Variants in NELL1 observed in about 807,000 individuals in gnomAD.
NELL1 encodes the protein protein kinase C-binding protein NELL1.
A neutral mutation model predicts 107.4 loss-of-function variants in NELL1; 76 were observed. The ratio of observed to expected loss-of-function variants is 0.71; its 90% CI spans 0.59 to 0.86. The LOEUF (loss-of-function observed/expected upper bound fraction) is 0.86, where lower values mean the gene tolerates loss of function less well. Among genes scored for constraint, NELL1 ranks in the 40% least tolerant of loss-of-function variants. The pLI is 0.00. For synonymous variants in NELL1, 353 were observed against 341.2 expected (o/e 1.03, Z -0.38); for missense variants, 1,024 against 1,005.5 (o/e 1.02, Z -0.25).
chr11:20,903,361 G>A (rs897759783), intron 5 of NELL1, among the ~76,000 whole-genome samples: 1 of 151,932 alleles, frequency 6.6e-6, no homozygotes, highest in Non-Finnish European at 1.5e-5. Flanking sequence ...GGCAATGACT[G>A]GTTCTCAGTC....
intron 14 of NELL1, among the ~76,000 whole-genome samples, chr11:21,274,868 C>T (rs1057268228): frequency 3.9e-5 from 6 of 152,144 alleles, no homozygotes; most frequent in African/African-American, 1.4e-4. Context: ...AAAGACACAA[C>T]ATACCAGAAT....
At chr11:21,501,291 T>G (rs1469946945) in intron 15 of NELL1, among the ~76,000 whole-genome samples, 5 of 152,192 alleles carry the variant, frequency 3.3e-5, no homozygotes, top group African/African-American at 9.6e-5. Context: ...CCTATCCTTT[T>G]TGTTCTTATT....
chr11:21,299,078 G>A (rs952396761), intron 14 of NELL1, among the ~76,000 whole-genome samples: 28 of 152,076 alleles, frequency 1.8e-4, no homozygotes, highest in African/African-American at 6.3e-4. Context: ...ATTCACAGGA[G>A]GAGGAAAGTA....
intron 12 of NELL1, among the ~76,000 whole-genome samples, chr11:21,098,570 G>C (rs528360084): frequency 8.1e-4 from 123 of 152,248 alleles, no homozygotes; most frequent in African/African-American, 2.9e-3. Context: ...CAAAACAGTA[G>C]AGTAGTATTT....
At chr11:21,390,049 T>C (rs563898937) in intron 15 of NELL1, among the ~76,000 whole-genome samples, 11 of 151,896 alleles carry the variant, frequency 7.2e-5, no homozygotes, top group Non-Finnish European at 1.3e-4. Flanking sequence ...AATTGCATTG[T>C]AATTTTGTCA....
intron 5 of NELL1, among the ~76,000 whole-genome samples, chr11:20,897,932 G>A (rs1228286415): frequency 6.6e-6 from 1 of 152,204 alleles, no homozygotes; most frequent in Non-Finnish European, 1.5e-5. Context: ...AGGTGCTGGA[G>A]AGGATGTGTA....
At chr11:21,088,881 G>T (rs940009372) in intron 12 of NELL1, among the ~76,000 whole-genome samples, 5 of 152,180 alleles carry the variant, frequency 3.3e-5, no homozygotes, top group Non-Finnish European at 1.5e-5. Context: ...GGTTGTTGGG[G>T]TCATGGGGAA....
intron 17 of NELL1, among the ~76,000 whole-genome samples, chr11:21,566,534 TTG>T (rs1321726343): frequency 1.3e-5 from 2 of 151,966 alleles, no homozygotes; most frequent in African/African-American, 4.8e-5. Context: ...TAATTATTAA[TTG>T]CTTATCATTG....
At chr11:20,894,296 TG>T (rs1849679884) in intron 5 of NELL1, among the ~76,000 whole-genome samples, 1 of 152,152 alleles carries the variant, frequency 6.6e-6, no homozygotes, top group African/African-American at 2.4e-5. Context: ...TATTAAAATT[TG>T]GAACTTTTCT....
chr11:21,522,834 C>CTTTTTTTTTTTTTTTTTTT (rs66707466), intron 15 of NELL1, among the ~76,000 whole-genome samples: 14 of 68,432 alleles, frequency 2.0e-4, no homozygotes, highest in African/African-American at 2.5e-4. Context: ...TTTTTCTTTT[C>CTTTTTTTTTTTTTTTTTTT]TTTTTTTTTT....
At chr11:21,019,449 T>C (rs921359149) in intron 12 of NELL1, among the ~76,000 whole-genome samples, 3 of 151,840 alleles carry the variant, frequency 2.0e-5, no homozygotes, top group African/African-American at 7.3e-5. Flanking sequence ...TAGAAAAGAG[T>C]AGAGTCATTC....
intron 15 of NELL1, among the ~76,000 whole-genome samples, chr11:21,469,227 C>T (rs4923611): frequency 0.87 from 131,938 of 152,000 alleles, 57,295 homozygotes; most frequent in East Asian, 0.97. Flanking sequence ...TAGAGTAGGA[C>T]GACTGAAAGA....
chr11:20,874,432 C>T (rs1432352650), intron 4 of NELL1, among the ~76,000 whole-genome samples: 3 of 152,150 alleles, frequency 2.0e-5, no homozygotes, highest in African/African-American at 7.2e-5. Context: ...GAAGTTTACA[C>T]CTGGATTTGA....
At chr11:21,155,317 G>A (rs1856207574) in intron 13 of NELL1, among the ~76,000 whole-genome samples, 1 of 152,088 alleles carries the variant, frequency 6.6e-6, no homozygotes, top group Non-Finnish European at 1.5e-5. Context: ...TAAGGATTGG[G>A]TAAATGGATG....
At chr11:20,819,998 G>A (rs569126647) in intron 3 of NELL1, among the ~76,000 whole-genome samples, 4 of 152,270 alleles carry the variant, frequency 2.6e-5, no homozygotes, top group African/African-American at 9.6e-5. Context: ...TTACTGGAGA[G>A]TGAGATAAGG....
chr11:20,680,423 A>G (rs1565304088), intron 2 of NELL1, among the ~76,000 whole-genome samples: 2 of 151,134 alleles, frequency 1.3e-5, no homozygotes, highest in African/African-American at 2.5e-5. Context: ...ACATCTCATT[A>G]AGTAATCTAA....
At chr11:21,253,752 A>G (rs543258230) in intron 14 of NELL1, among the ~76,000 whole-genome samples, 1 of 152,254 alleles carries the variant, frequency 6.6e-6, no homozygotes, top group African/African-American at 2.4e-5. Context: ...CCAAGGATAT[A>G]TTAGATGTCT....
chr11:21,273,887 G>A (rs190658995), intron 14 of NELL1, among the ~76,000 whole-genome samples: 173 of 152,270 alleles, frequency 1.1e-3, no homozygotes, highest in African/African-American at 3.8e-3. Context: ...TGCCCTGAAA[G>A]AGCTCCTGAA....
At chr11:21,362,447 G>C (rs1251087504) in intron 14 of NELL1, among the ~76,000 whole-genome samples, 1 of 152,198 alleles carries the variant, frequency 6.6e-6, no homozygotes, top group Non-Finnish European at 1.5e-5. Flanking sequence ...GATATGTTTA[G>C]TGTGCTAGCT....
Sources: gnomAD v4.1 joint callset for allele counts (sites outside exome capture counted in the v4.1 genomes callset) on GRCh38, gnomAD v4.1.1 for gene constraint, MANE v1.5 for transcripts, NCBI Gene and HGNC (gene_info 2026-07-23, HGNC 2026-07-21) for gene names.